Variants in FLG observed in about 807,000 individuals in gnomAD.
FLG encodes epidermal filaggrin.
A neutral mutation model predicts 3.8 loss-of-function variants in FLG; 6 were observed. The ratio of observed to expected loss-of-function variants is 1.60; its 90% confidence interval spans 0.87 to 3.15. The LOEUF is 3.15. Ranked by LOEUF, FLG falls within the 30% of genes most tolerant of loss-of-function variation. The probability of loss-of-function intolerance (pLI) is 0.00; values close to 1 mark genes in which losing one functional copy is unlikely to be tolerated. For missense variants in FLG, 7,595 were observed against 5,050.9 expected, an observed-to-expected ratio of 1.50 and a Z score of -15.27; for synonymous variants, 2,551 against 1,931.6, an observed-to-expected ratio of 1.32 and a Z score of -8.41.
In FLG at chr1:152,308,488, T is replaced by G; in HGVS notation, c.6398A>C (p.Glu2133Ala). 6.2e-7 allele frequency: 1 copy of G among 1,613,834 alleles called. No individual in the cohort carries two copies. Among genetic ancestry groups the G allele is most frequent in the Non-Finnish European group, 8.5e-7 (1 of 1,179,908 alleles). The change falls in exon 3 of 3, where the codon GAG becomes GCG. Residue 2133 changes from glutamate to alanine, a missense_variant. Physicochemically the swap from Glu to Ala is moderately radical, Grantham distance 107. Transcript: ENST00000368799. ...GTGTCCACGAATGGTGTCCTGACCCTCTTGGGATGCTGAGTGCCTGGAGCT... is the reference window on the plus strand; with the variant it reads ...GTGTCCACGAATGGTGTCCTGACCCGCTTGGGATGCTGAGTGCCTGGAGCT... ...QDSSRHSASQEGQDTIRGHPG... is the reference protein window; with the variant it reads ...QDSSRHSASQAGQDTIRGHPG...
rs775331217 is a variant in FLG at position 152,312,907 on chromosome 1, G to C, written c.1979C>G (p.Pro660Arg). Residue 660 changes from proline (P) to arginine (R), a missense_variant, in exon 3 of 3, where the codon CCC (proline) becomes CGC (arginine). Coordinates refer to ENST00000368799, the MANE Select transcript of FLG (RefSeq NM_002016.2). ...AGCTCTGTCTTCGTGATGGGACCTG[G>C]GGTGTCTGGAGCCATCTCTTGACTG... ...QEQSRDGSRH[P>R]RSHHEDRAGH... The C allele has an allele frequency of 5.0e-6, 8 of 1,613,878 alleles. No individual in the cohort carries two copies. Among genetic ancestry groups the C allele is most frequent in the South Asian group, 1.1e-5 (1 of 91,072 alleles).
chr1:152,309,449 T>A lies in FLG; in HGVS notation c.5437A>T (p.Ile1813Phe). 2 of 1,613,066 alleles carry A rather than the reference T, an allele frequency of 1.2e-6. No individual in the cohort carries two copies. Among genetic ancestry groups the A allele is most frequent in the Middle Eastern group, 1.7e-4 (1 of 6,054 alleles). Residue 1813 changes from isoleucine to phenylalanine, a missense_variant, in exon 3 of 3, where the codon ATT becomes TTT. Ile to Phe is a conservative substitution (Grantham distance 21, BLOSUM62 0). Coordinates refer to ENST00000368799, the MANE Select transcript of FLG (RefSeq NM_002016.2). ...CTGCTTGACCCTGGGTGTCCACGAA[T>A]GGTGTCCTGACCCTCTTGGGACGCT... Reference protein sequence around the residue: ...HSASQEGQDTIRGHPGSSRGG... With the variant: ...HSASQEGQDTFRGHPGSSRGG...
At position 152,307,110 on chromosome 1, in the gene FLG, A is replaced by T; in HGVS notation, c.7776T>A (p.His2592Gln). ...CTCTTAGCTGCTCCTGAGCAGATCC[A>T]TGATGGTTTCTGGAAGCAGACCCAG... ...RWSGSASRNH[H>Q]GSAQEQLRDG... Residue 2592 changes from histidine (H) to glutamine (Q), a missense_variant, in exon 3 of 3, where the codon CAT becomes CAA. Coordinates refer to ENST00000368799, the MANE Select transcript of FLG (RefSeq NM_002016.2). 1 of 1,611,262 alleles carries T rather than the reference A, an allele frequency of 6.2e-7. No homozygotes were observed. Among genetic ancestry groups the T allele is most frequent in the Non-Finnish European group, 8.5e-7 (1 of 1,179,782 alleles).
At position 152,308,824 on chromosome 1, in the gene FLG, C is replaced by T. The variant is rs767516938; in HGVS notation, c.6062G>A (p.Gly2021Asp). 5 of 1,614,118 alleles carry T rather than the reference C, an allele frequency of 3.1e-6. No homozygotes were observed. The highest frequency in any genetic ancestry group is 1.7e-5 in the Admixed American group (1 of 60,018). The change falls in exon 3 of 3, where the codon GGC becomes GAC. Residue 2021 changes from glycine to aspartate, a missense_variant. Transcript: ENST00000368799. ...AGATGAAGCTTGTCCATGCCCAATG[C>T]CTGAGTGTCTGGAGCTGTCTGCTGA... The part of the protein sequence containing the change: ...LQSADSSRHS[G>D]IGHGQASSAV...
chr1:152,302,925 A>G lies in FLG; in HGVS notation c.11961T>C (p.Gly3987=). ...GCTGAGAGTGTCTAAACCCGGATTC[A>G]CCATAATCATAATCTGCACTACCAT... is the stretch of plus-strand genomic sequence containing the variant. ...GSYGSADYDY[G]ESGFRHSQHG... Residue 3987 remains glycine, a synonymous_variant, in exon 3 of 3, where the codon GGT becomes GGC. Transcript: ENST00000368799. 1 of 1,614,206 alleles carries G rather than the reference A, an allele frequency of 6.2e-7. No individual in the cohort carries two copies. The highest frequency in any genetic ancestry group is 8.5e-7 in the Non-Finnish European group (1 of 1,180,036).
intron 1 of FLG, among the ~76,000 whole-genome samples, chr1:152,317,295 G>C (rs1652817637): frequency 6.6e-6 from 1 of 151,788 alleles, no homozygotes; most frequent in African/African-American, 2.4e-5. Context: ...TGATTTATCT[G>C]TTCCCTTTTA....
At chr1:152,321,071 C>T (rs935517100) in intron 1 of FLG, among the ~76,000 whole-genome samples, 2 of 150,756 alleles carry the variant, frequency 1.3e-5, no homozygotes, top group African/African-American at 4.8e-5. Context: ...TATACACACA[C>T]ACATATATAC....
In FLG at chr1:152,303,018, A is replaced by C. The variant is rs755341966; in HGVS notation, c.11868T>G (p.Tyr3956Ter). ...TTTCAGTGCCCTCAGATTGATAATG[A>C]TAAGAACTAGAACTGTGAGGACTGC... is the stretch of plus-strand genomic sequence containing the variant. ...SRGSPHSSSS[Y>*]HYQSEGTERQ... The change falls in exon 3 of 3, where the codon TAT becomes TAG. Residue 3956 changes from tyrosine to a stop codon, truncating the protein, a stop_gained. Transcript: ENST00000368799. LOFTEE classifies it low-confidence loss of function (END_TRUNC). 3.7e-6 allele frequency: 6 copies of C among 1,614,082 alleles called. No individual in the cohort carries two copies. The African/African-American group carries it at 6.7e-5, about 18-fold the overall frequency.
At position 152,309,449 on chromosome 1, in the gene FLG, T is replaced by TGTGGACCCTG. The variant is rs749905936; in HGVS notation, c.5436_5437insCAGGGTCCAC (p.Ile1813GlnfsTer21). ...CTGCTTGACCCTGGGTGTCCACGAATGGTGTCCTGACCCTCTTGGGACGCT... is the reference window on the plus strand; with the variant it reads ...CTGCTTGACCCTGGGTGTCCACGAATGTGGACCCTGGGTGTCCTGACCCTCTTGGGACGCT... On this transcript the variant is annotated frameshift_variant, in exon 3 of 3. Coordinates refer to ENST00000368799, the MANE Select transcript of FLG (RefSeq NM_002016.2). LOFTEE classifies it low-confidence loss of function (END_TRUNC). 1 of 1,612,948 alleles carries TGTGGACCCTG rather than the reference T, an allele frequency of 6.2e-7. No individual in the cohort carries two copies. Among genetic ancestry groups the TGTGGACCCTG allele is most frequent in the Admixed American group, 1.7e-5 (1 of 59,690 alleles).
Position 152,313,749 on chromosome 1 carries a change from A to T in FLG, c.1137T>A (p.Ser379Arg), listed in dbSNP as rs1314453400. Residue 379 changes from serine (S) to arginine (R), a missense_variant, in exon 3 of 3, where the codon AGT (serine) becomes AGA (arginine). By Grantham distance (110) the Ser-to-Arg change is moderately radical (BLOSUM62 -1). Transcript: ENST00000368799. ...GGCCGGATCCATGTCTTTCTCCTGG[A>T]CTTGATCTTGCCTGTTCATGGGATG... ...TASSHEQARSSPGERHGSGHQ... is the reference protein window; with the variant it reads ...TASSHEQARSRPGERHGSGHQ... 1 of 1,613,760 alleles carries T rather than the reference A, an allele frequency of 6.2e-7. No individual in the cohort carries two copies. Among genetic ancestry groups the T allele is most frequent in the Non-Finnish European group, 8.5e-7 (1 of 1,179,914 alleles).
At chr1:152,316,418 C>G (rs1474051021) in intron 1 of FLG, among the ~76,000 whole-genome samples, 1 of 151,370 alleles carries the variant, frequency 6.6e-6, no homozygotes, top group Non-Finnish European at 1.5e-5. Flanking sequence ...AATAATTCAA[C>G]AGAAGCCAGG....
rs764169951 is a variant in FLG at position 152,311,991 on chromosome 1, A to C, written c.2895T>G (p.Ser965=). ...CAGATCCACGATGGTTTCTGGAAGCAGACCCAGACCACCTCTCAGAGTCTT... is the reference window on the plus strand; with the variant it reads ...CAGATCCACGATGGTTTCTGGAAGCCGACCCAGACCACCTCTCAGAGTCTT... ...HSEDSERWSG[S]ASRNHRGSAQ... Residue 965 remains serine, a synonymous_variant, in exon 3 of 3, where the codon TCT becomes TCG. Coordinates refer to ENST00000368799, the MANE Select transcript of FLG (RefSeq NM_002016.2). The C allele has an allele frequency of 2.2e-5, 36 of 1,613,968 alleles. No homozygotes were observed. Among genetic ancestry groups the C allele is most frequent in the South Asian group, 1.9e-4 (17 of 91,054 alleles).
rs771817138 is a variant in FLG, at chr1:152,308,033, G to T, written c.6853C>A (p.His2285Asn). 2 of 1,614,070 alleles carry T rather than the reference G, an allele frequency of 1.2e-6. No homozygotes were observed. Among genetic ancestry groups the T allele is most frequent in the Non-Finnish European group, 8.5e-7 (1 of 1,180,038 alleles). ...SRDGSRHPRS[H>N]HEDRAGHGHS... ...CCATGACCGGCTCTGTCTTCGTGAT[G>T]GGACCTGGGGTGTCTGGAGCCATCT... Residue 2285 changes from histidine (H) to asparagine (N), a missense_variant, in exon 3 of 3, where the codon CAT becomes AAT. Transcript: ENST00000368799.
At chr1:152,323,826 A>G (rs1653057914) in intron 1 of FLG, among the ~76,000 whole-genome samples, 1 of 151,802 alleles carries the variant, frequency 6.6e-6, no homozygotes, top group East Asian at 1.9e-4. Flanking sequence ...AGTAGTACAC[A>G]AAAAAGTGCA....
rs777426932 is a variant in FLG, at chr1:152,314,191, T to A, written c.695A>T (p.His232Leu). ...CTGGATTGTGTAATATGTGGCAATA[T>A]GGCCTGATTGTATCCATTTTTGAGT... ...RMTQKWIQSG[H>L]IATYYTIQDE... The change falls in exon 3 of 3, where the codon CAT becomes CTT. Residue 232 changes from histidine (H) to leucine (L), a missense_variant. His to Leu is a moderately conservative substitution (Grantham distance 99). Coordinates refer to ENST00000368799, the MANE Select transcript of FLG (RefSeq NM_002016.2). 1.9e-6 allele frequency: 3 copies of A among 1,614,152 alleles called. No homozygotes were observed. The highest frequency in any genetic ancestry group is 2.5e-6 in the Non-Finnish European group (3 of 1,180,016).
intron 1 of FLG, among the ~76,000 whole-genome samples, chr1:152,320,449 G>C (rs1337691762): frequency 6.7e-6 from 1 of 150,118 alleles, no homozygotes; most frequent in Admixed American, 6.6e-5. Flanking sequence ...AACACTAAAA[G>C]AAAGCTGTTA....
Position 152,310,255 on chromosome 1 carries a change from GT to G in FLG, c.4630del (p.Thr1544GlnfsTer162). 1 of 1,613,732 alleles carries G rather than the reference GT, an allele frequency of 6.2e-7. No individual in the cohort carries two copies. Among genetic ancestry groups the G allele is most frequent in the South Asian group, 1.1e-5 (1 of 91,040 alleles). ...QSGPRSASRQ[T>X]RNEEQSGDGS... The stretch of plus-strand genomic sequence containing the variant: ...GTCTCCTGATTGTTCCTCATTTCTT[GT>G]TTGCCTGCTTGCACTTCTGGGTCCT... On this transcript the variant is annotated frameshift_variant, in exon 3 of 3. Transcript: ENST00000368799. LOFTEE classifies it low-confidence loss of function (END_TRUNC).
At position 152,307,678 on chromosome 1, in the gene FLG, C is replaced by A. The variant is rs368385023; in HGVS notation, c.7208G>T (p.Arg2403Leu). ...TGAACGTCCAGACCTTCCTGCTGAC[C>A]GGCCACGTGTGGACTCTTGGTGGCT... ...QQSHQESTRG[R>L]SAGRSGRSGS... The change falls in exon 3 of 3, where the codon CGG (arginine) becomes CTG (leucine). Residue 2403 changes from arginine to leucine, a missense_variant. Physicochemically the swap from Arg to Leu is moderately radical, Grantham distance 102. Coordinates refer to ENST00000368799, the MANE Select transcript of FLG (RefSeq NM_002016.2). 4.3e-6 allele frequency: 7 copies of A among 1,613,300 alleles called. No homozygotes were observed. Among genetic ancestry groups the A allele is most frequent in the Non-Finnish European group, 5.9e-6 (7 of 1,179,838 alleles).
chr1:152,316,616 A>G (rs918011605), intron 1 of FLG, among the ~76,000 whole-genome samples: 1 of 152,110 alleles, frequency 6.6e-6, no homozygotes, highest in Admixed American at 6.5e-5. Context: ...TTACAAATGC[A>G]TTTTAAAGTT....
Sources: gnomAD v4.1 joint callset for allele counts (sites outside exome capture counted in the v4.1 genomes callset) on GRCh38, gnomAD v4.1.1 for gene constraint, MANE v1.5 for transcripts, NCBI Gene and HGNC (gene_info 2026-07-23, HGNC 2026-07-21) for gene names.